LIPA: variants seen among roughly 807,000 people sequenced by gnomAD.
LIPA encodes the protein lipase A, lysosomal acid type.
LIPA carries 26 observed loss-of-function variants against 40.6 expected under a neutral mutation model. The ratio of observed to expected loss-of-function variants is 0.64; its 90% CI spans 0.47 to 0.89. The LOEUF is 0.89. Ranked by LOEUF, LIPA falls within the 40% of genes least tolerant of loss-of-function variation. LIPA has a pLI of 0.00. For missense variants in LIPA, 455 were observed against 479.6 expected, an observed-to-expected ratio of 0.95 and a Z score of 0.48; for synonymous variants, 188 against 168.4, an observed-to-expected ratio of 1.12 and a Z score of -0.90.
intron 2 of LIPA, among the ~76,000 whole-genome samples, chr10:89,358,065 T>A (rs1843997934): frequency 6.6e-6 from 1 of 152,174 alleles, no homozygotes; most frequent in African/African-American, 2.4e-5. Context: ...TATTCTCAGA[T>A]GCATCTTCCA....
chr10:89,293,007 G>A (rs1843385004), intron 1 of LIPA, among the ~76,000 whole-genome samples: 1 of 152,042 alleles, frequency 6.6e-6, no homozygotes, highest in South Asian at 2.1e-4. Context: ...AATATGGTTT[G>A]GCTTTGTGTC....
At chr10:89,409,428 A>C (rs758464660) in intron 2 of LIPA, among the ~76,000 whole-genome samples, 1 of 152,152 alleles carries the variant, frequency 6.6e-6, no homozygotes, top group Non-Finnish European at 1.5e-5. Context: ...TTTAAAAAAG[A>C]CTGTCCAAAC....
intron 2 of LIPA, among the ~76,000 whole-genome samples, chr10:89,392,027 C>T (rs954293314): frequency 4.6e-5 from 7 of 152,030 alleles, no homozygotes; most frequent in Admixed American, 3.3e-4. Context: ...TCAAACCATA[C>T]CTCCTTGCTT....
intron 2 of LIPA, among the ~76,000 whole-genome samples, chr10:89,410,174 G>A (rs1190067612): frequency 6.6e-6 from 1 of 152,174 alleles, no homozygotes; most frequent in Non-Finnish European, 1.5e-5. Flanking sequence ...TAGTGTCAGA[G>A]GCTATCAAAA....
chr10:89,338,707 T>C, intron 1 of LIPA: 1 of 1,613,886 alleles, frequency 6.2e-7, no homozygotes, highest in Non-Finnish European at 8.5e-7. Context: ...ACAGCTGAAA[T>C]GCCATTTCAC....
In LIPA at chr10:89,225,305, CG is replaced by C. The variant is rs746117333; in HGVS notation, c.539-78del. The C allele has an allele frequency of 4.7e-5, 73 of 1,569,570 alleles. No homozygotes were observed. The South Asian group carries it at 7.4e-4, about 16-fold the overall frequency. ...CTCAGAAAACACAAAGGCCGTCACT[CG>C]CGACGCCCTCTCGCGGAGGCCTGAG... On this transcript the variant is annotated intron_variant, in intron 5 of 9. Coordinates refer to ENST00000336233, the MANE Select transcript of LIPA (RefSeq NM_000235.4).
intron 2 of LIPA, among the ~76,000 whole-genome samples, chr10:89,247,316 G>C (rs1424065455): frequency 5.2e-5 from 7 of 135,686 alleles, no homozygotes; most frequent in Admixed American, 2.4e-4. Context: ...AGGTCGCAAT[G>C]AGCCGAGATC....
At chr10:89,359,041 G>A (rs2133590761) in intron 2 of LIPA, among the ~76,000 whole-genome samples, 1 of 152,314 alleles carries the variant, frequency 6.6e-6, no homozygotes, top group Non-Finnish European at 1.5e-5. Flanking sequence ...TGGAGCAAAG[G>A]AGGATGCCCA....
At chr10:89,219,619 C>G (rs1842670869) in intron 8 of LIPA, among the ~76,000 whole-genome samples, 2 of 152,186 alleles carry the variant, frequency 1.3e-5, no homozygotes, top group Non-Finnish European at 2.9e-5. Context: ...ACCATAAGAG[C>G]CCTCTAATGC....
At chr10:89,262,736 A>C (rs1350967611) in intron 1 of LIPA, among the ~76,000 whole-genome samples, 1 of 152,232 alleles carries the variant, frequency 6.6e-6, no homozygotes, top group Non-Finnish European at 1.5e-5. Context: ...CACATGAGGA[A>C]TGTTTGAGAA....
intron 3 of LIPA, among the ~76,000 whole-genome samples, chr10:89,241,804 G>GTA (rs1028906522): frequency 1.1e-4 from 16 of 152,032 alleles, no homozygotes; most frequent in Middle Eastern, 3.4e-3. Context: ...CTTGGTGTGT[G>GTA]TATATATATA....
At chr10:89,235,583 G>A (rs1192606920) in intron 3 of LIPA, among the ~76,000 whole-genome samples, 1 of 152,232 alleles carries the variant, frequency 6.6e-6, no homozygotes, top group Non-Finnish European at 1.5e-5. Flanking sequence ...GGAGGAAGAT[G>A]ACCGGGTAGG....
intron 1 of LIPA, chr10:89,339,581 C>T (rs1309253281): frequency 1.9e-6 from 3 of 1,613,984 alleles, no homozygotes; most frequent in African/African-American, 1.3e-5. Flanking sequence ...ATGATTGAAG[C>T]ACTAAAGCAA....
intron 1 of LIPA, among the ~76,000 whole-genome samples, chr10:89,305,378 A>G (rs1843471787): frequency 1.3e-5 from 2 of 152,198 alleles, no homozygotes; most frequent in African/African-American, 2.4e-5. Context: ...GATATATTAA[A>G]AGCTGAAATA....
intron 1 of LIPA, chr10:89,306,676 G>A (rs762868227): frequency 1.2e-6 from 2 of 1,614,096 alleles, no homozygotes; most frequent in South Asian, 2.2e-5. Context: ...AAGAAGCCTT[G>A]GAGAAAGCCC....
At chr10:89,412,930 G>GC in intron 1 of LIPA, 2 of 252,336 alleles carry the variant, frequency 7.9e-6, no homozygotes, top group Admixed American at 5.2e-5. Context: ...CTACTGGAAG[G>GC]AACCAATTCC....
At chr10:89,399,512 A>C (rs1844391161) in intron 2 of LIPA, among the ~76,000 whole-genome samples, 1 of 152,148 alleles carries the variant, frequency 6.6e-6, no homozygotes. Context: ...TAGGGCTTAC[A>C]TTTAGGTCTT....
intron 1 of LIPA, among the ~76,000 whole-genome samples, chr10:89,337,329 G>T (rs1208708514): frequency 3.9e-5 from 6 of 152,172 alleles, no homozygotes; most frequent in Admixed American, 3.9e-4. Flanking sequence ...AAGAGTCATG[G>T]GATAGCTAAA....
At chr10:89,295,950 A>G (rs577765779) in intron 1 of LIPA, among the ~76,000 whole-genome samples, 1 of 152,370 alleles carries the variant, frequency 6.6e-6, no homozygotes, top group Non-Finnish European at 1.5e-5. Context: ...GGCACTAGCC[A>G]TACAAATTTC....
Sources: allele counts gnomAD v4.1 joint callset (sites outside exome capture counted in the v4.1 genomes callset), GRCh38; gene constraint gnomAD v4.1.1; transcripts MANE v1.5; gene names NCBI Gene and HGNC (gene_info 2026-07-23, HGNC 2026-07-21).